Variants in CKAP5 observed in about 807,000 individuals in gnomAD.
The protein encoded by CKAP5 is cytoskeleton associated protein 5, also known as cytoskeleton-associated protein 5.
Under a neutral mutation model 232.8 loss-of-function variants are expected in CKAP5, and 27 were observed. The ratio of observed to expected loss-of-function variants is 0.12; its 90% CI spans 0.09 to 0.16. The LOEUF (loss-of-function observed/expected upper bound fraction) is 0.16, where lower values mean the gene tolerates loss of function less well. CKAP5 is among the 10% of genes least tolerant of loss of function. CKAP5 has a pLI of 1.00. For synonymous variants in CKAP5, 785 were observed against 841.1 expected (o/e 0.93, Z 1.16); for missense variants, 1,838 against 2,424.7 (o/e 0.76, Z 5.08).
intron 1 of CKAP5, among the ~76,000 whole-genome samples, chr11:46,828,409 TA>T (rs760404840): frequency 2.0e-5 from 3 of 152,244 alleles, no homozygotes; most frequent in Non-Finnish European, 4.4e-5. Flanking sequence ...CTTCATTCAT[TA>T]TATTCCCATC....
chr11:46,752,729 ACAACAGC>A lies in CKAP5; in HGVS notation c.5058-26_5058-20del. On this transcript the variant is annotated intron_variant, in intron 37 of 43. Transcript: ENST00000529230. ...TAGGGCACTGGAAGAAAAACCCAAC[ACAACAGC>A]ATTAAGTTTCAAACCTGCATTCCAA... The A allele has an allele frequency of 6.2e-7, 1 of 1,602,340 alleles. No individual in the cohort carries two copies. The highest frequency in any genetic ancestry group is 1.3e-5 in the African/African-American group (1 of 74,734).
intron 1 of CKAP5, among the ~76,000 whole-genome samples, chr11:46,827,521 G>A (rs1311572006): frequency 1.3e-5 from 2 of 152,054 alleles, no homozygotes; most frequent in Non-Finnish European, 2.9e-5. Context: ...CAGCTACTCC[G>A]GAGGCTGAGG....
In CKAP5 at chr11:46,837,960, T is replaced by C. The variant is rs193061565; in HGVS notation, c.-38+8260A>G. 2.9e-3 allele frequency among the ~76,000 whole-genome samples: 442 copies of C among 152,122 alleles called. 3 individuals are homozygous for C. The highest frequency in any genetic ancestry group is 0.02 in the Middle Eastern group (6 of 294). ...TGACTTCCCTTCAAAGAATACAGTA[T>C]AGAAAAGGAGGGGAAAAAAAAGTAA... On this transcript the variant is annotated intron_variant, in intron 1 of 43. Transcript: ENST00000529230.
chr11:46,807,686 G>A (rs1485991596), intron 8 of CKAP5, among the ~76,000 whole-genome samples: 1 of 152,102 alleles, frequency 6.6e-6, no homozygotes, highest in African/African-American at 2.4e-5. Flanking sequence ...CTATCTTCAT[G>A]TTTAATATTT....
chr11:46,752,185 T>TAC (rs1162579267), intron 38 of CKAP5, among the ~76,000 whole-genome samples: 123 of 68,448 alleles, frequency 1.8e-3, no homozygotes, highest in African/African-American at 4.9e-3. Context: ...TATATATATA[T>TAC]ATATATATAC....
At chr11:46,769,605 A>G (rs1038138816) in intron 26 of CKAP5, among the ~76,000 whole-genome samples, 1 of 152,146 alleles carries the variant, frequency 6.6e-6, no homozygotes, top group African/African-American at 2.4e-5. Flanking sequence ...ATGAGGCAGA[A>G]GGAACACTTG....
intron 1 of CKAP5, among the ~76,000 whole-genome samples, chr11:46,823,817 T>C (rs1018344942): frequency 6.6e-6 from 1 of 152,188 alleles, no homozygotes; most frequent in Admixed American, 6.5e-5. Flanking sequence ...GATGGGGTCT[T>C]ACTATGTTGC....
At position 46,776,164 on chromosome 11, in the gene CKAP5, C is replaced by T. The variant is rs967845684; in HGVS notation, c.2991+91G>A. The stretch of plus-strand genomic sequence containing the variant: ...TAACTGTTTTATAATGAAACTCATT[C>T]TAACCATAAATGCGTATTTATCAGA... On this transcript the variant is annotated intron_variant, in intron 24 of 43. Transcript: ENST00000529230. The T allele has an allele frequency of 2.5e-5, 26 of 1,060,998 alleles. No homozygotes were observed. In the Admixed American group the frequency reaches 5.2e-4, roughly 21 times the overall value. 65.7% of individuals were successfully genotyped at this position (1,060,998 alleles called of 1,614,324 possible).
intron 24 of CKAP5, among the ~76,000 whole-genome samples, chr11:46,775,356 C>T (rs1296527020): frequency 6.6e-6 from 1 of 152,146 alleles, no homozygotes; most frequent in East Asian, 1.9e-4. Flanking sequence ...AAACAGGAAC[C>T]ACTTTTACAC....
Position 46,821,163 on chromosome 11 carries a change from G to A in CKAP5, c.57+12C>T. 1 of 1,603,514 alleles carries A rather than the reference G, an allele frequency of 6.2e-7. No homozygotes were observed. The highest frequency in any genetic ancestry group is 8.5e-7 in the Non-Finnish European group (1 of 1,170,820). ...CAACGACACTGAAAATCGAATTCCA[G>A]AAGAATCTTACCTTGTGTTCACATT... is the stretch of plus-strand genomic sequence containing the variant. On this transcript the variant is annotated intron_variant, in intron 2 of 43. Transcript: ENST00000529230.
At chr11:46,809,985 T>TA in intron 5 of CKAP5, 111 bp from the exon 6 acceptor site, 1 of 1,073,538 alleles carries the variant, frequency 9.3e-7, no homozygotes, top group Non-Finnish European at 1.3e-6. Context: ...CTTTTTTTTT[T>TA]ATTGGAGACA....
rs1368778355 is a variant in CKAP5 at position 46,759,454 on chromosome 11, A to G, written c.4395-12T>C. ...TGCTTCGGGCTTGGCTAAGGGAAGC[A>G]AAAGGAGGCTCCTGAACTAAAAGAG... is the stretch of plus-strand genomic sequence containing the variant. On this transcript the variant is annotated splice_polypyrimidine_tract_variant and intron_variant, in intron 33 of 43. Coordinates refer to ENST00000529230, the MANE Select transcript of CKAP5 (RefSeq NM_001008938.4). The G allele has an allele frequency of 6.2e-6, 10 of 1,608,042 alleles. No individual in the cohort carries two copies. The highest frequency in any genetic ancestry group is 7.6e-6 in the Non-Finnish European group (9 of 1,177,940).
intron 3 of CKAP5, among the ~76,000 whole-genome samples, chr11:46,816,751 T>C (rs1010233298): frequency 2.4e-4 from 36 of 151,934 alleles, no homozygotes; most frequent in African/African-American, 8.7e-4. Flanking sequence ...ACAAATATAC[T>C]TTACAAAAGT....
rs934506074 is a variant in CKAP5, at chr11:46,811,323, G to A, written c.459-145C>T. On this transcript the variant is annotated intron_variant, in intron 4 of 43. Coordinates refer to ENST00000529230, the MANE Select transcript of CKAP5 (RefSeq NM_001008938.4). ...TTTTTTTTAAGGCAACAAAAGAAAA[G>A]GAACTCATAACTGCTTACCTACTAA... The A allele has an allele frequency of 3.3e-5, 21 of 637,930 alleles. No individual in the cohort carries two copies. The Admixed American group carries it at 4.6e-4, about 14-fold the overall frequency. 39.5% of individuals were successfully genotyped at this position (637,930 alleles called of 1,614,324 possible).
chr11:46,761,526 G>GGA (rs1258049663), intron 32 of CKAP5, among the ~76,000 whole-genome samples: 2 of 152,102 alleles, frequency 1.3e-5, no homozygotes, highest in African/African-American at 4.8e-5. Flanking sequence ...AACTGAAGAC[G>GGA]GAGGTCCAGA....
At position 46,754,761 on chromosome 11, in the gene CKAP5, T is replaced by TA. The variant is rs554931719; in HGVS notation, c.4869+126dup. 1.2e-3 allele frequency: 892 copies of TA among 733,736 alleles called. 16 individuals are homozygous for TA. The South Asian group carries it at 0.016, about 13-fold the overall frequency. 45.5% of individuals were successfully genotyped at this position (733,736 alleles called of 1,614,324 possible). A position where few individuals can be genotyped will look rare whatever the true frequency, so the allele number is the denominator to read the frequency against. The stretch of plus-strand genomic sequence containing the variant: ...TGGAAGCCATCAGTAGCTTGCTATA[T>TA]ACAATGCATGTAAAATTCTACCAAG... On this transcript the variant is annotated intron_variant, in intron 36 of 43. Coordinates refer to ENST00000529230, the MANE Select transcript of CKAP5 (RefSeq NM_001008938.4).
intron 1 of CKAP5, among the ~76,000 whole-genome samples, chr11:46,823,217 T>G (rs995486663): frequency 6.6e-6 from 1 of 152,164 alleles, no homozygotes; most frequent in African/African-American, 2.4e-5. Flanking sequence ...GTGATCCCAC[T>G]GATCGTGAGC....
At chr11:46,809,626 G>T in intron 6 of CKAP5, 116 bp downstream of exon 6, 1 of 1,381,298 alleles carries the variant, frequency 7.2e-7, no homozygotes, top group Non-Finnish European at 1.0e-6. Flanking sequence ...AAAGCTACAT[G>T]CAACTTATAT....
intron 9 of CKAP5, among the ~76,000 whole-genome samples, chr11:46,800,198 T>C (rs1258771875): frequency 2.6e-5 from 4 of 152,194 alleles, no homozygotes; most frequent in Non-Finnish European, 5.9e-5. Flanking sequence ...TTTATTTCAA[T>C]TTATGATGTA....
Sources: allele counts gnomAD v4.1 joint callset (sites outside exome capture counted in the v4.1 genomes callset), GRCh38; gene constraint gnomAD v4.1.1; transcripts MANE v1.5; gene names NCBI Gene and HGNC (gene_info 2026-07-23, HGNC 2026-07-21).